The following COL5A1 variants were observed in gnomAD, a reference collection of about 807,000 sequenced individuals.
COL5A1 encodes the protein collagen type V alpha 1 chain, also known as collagen alpha-1(V) chain.
A neutral mutation model predicts 263.7 loss-of-function variants in COL5A1; 16 were observed. The observed-to-expected ratio is 0.06, with a 90% CI of 0.04 to 0.09. The LOEUF (loss-of-function observed/expected upper bound fraction) is 0.09, where lower values mean the gene tolerates loss of function less well. Ranked by LOEUF, COL5A1 falls within the 10% of genes least tolerant of loss-of-function variation. COL5A1 has a pLI of 1.00. For missense variants in COL5A1, 2,036 were observed against 2,540.5 expected, an observed-to-expected ratio of 0.80 and a Z score of 4.27; for synonymous variants, 1,012 against 1,004.5, an observed-to-expected ratio of 1.01 and a Z score of -0.14.
intron 1 of COL5A1, among the ~76,000 whole-genome samples, chr9:134,687,785 G>C (rs1833130316): frequency 6.6e-6 from 1 of 152,228 alleles, no homozygotes; most frequent in South Asian, 2.1e-4. Flanking sequence ...CTGTCTAGGA[G>C]AAAAGGGCAA....
chr9:134,643,563 C>G (rs2132457460), intron 1 of COL5A1, among the ~76,000 whole-genome samples: 1 of 152,178 alleles, frequency 6.6e-6, no homozygotes, highest in East Asian at 1.9e-4. Flanking sequence ...GTGGGGGCTG[C>G]CCTGGGGCTC....
intron 1 of COL5A1, among the ~76,000 whole-genome samples, chr9:134,662,948 C>T (rs898054569): frequency 5.3e-5 from 8 of 152,236 alleles, no homozygotes; most frequent in African/African-American, 1.9e-4. Context: ...ACAGCTACTG[C>T]CTGCTCTGTG....
At chr9:134,644,590 G>GGA (rs1831416555) in intron 1 of COL5A1, among the ~76,000 whole-genome samples, 1 of 70,768 alleles carries the variant, frequency 1.4e-5, no homozygotes, top group Admixed American at 1.2e-4. Context: ...AGGCAGGCGC[G>GGA]GGGGGGAGCC....
chr9:134,773,540 T>G (rs1206377100), intron 26 of COL5A1, among the ~76,000 whole-genome samples: 1 of 152,196 alleles, frequency 6.6e-6, no homozygotes, highest in Non-Finnish European at 1.5e-5. Flanking sequence ...AGCCTGGGGC[T>G]GAGGGCAGAG....
chr9:134,699,308 T>G (rs971418273), intron 2 of COL5A1, among the ~76,000 whole-genome samples: 4 of 152,236 alleles, frequency 2.6e-5, no homozygotes, highest in Non-Finnish European at 5.9e-5. Context: ...TATATTTTTT[T>G]CTAATTTTAA....
chr9:134,688,980 G>A (rs927163635), intron 1 of COL5A1, among the ~76,000 whole-genome samples: 3 of 146,798 alleles, frequency 2.0e-5, no homozygotes, highest in African/African-American at 4.9e-5. Flanking sequence ...TGGTCATGGC[G>A]GGGGTGGGGG....
intron 4 of COL5A1, among the ~76,000 whole-genome samples, chr9:134,706,391 G>C (rs969319562): frequency 6.6e-6 from 1 of 152,194 alleles, no homozygotes; most frequent in African/African-American, 2.4e-5. Context: ...AGTCAGGAAC[G>C]AGCTTTGTGT....
In COL5A1 at chr9:134,765,764, C is replaced by G; in HGVS notation, c.2088+30C>G. 1.2e-6 allele frequency: 2 copies of G among 1,600,318 alleles called. No homozygotes were observed. The highest frequency in any genetic ancestry group is 1.7e-6 in the Non-Finnish European group (2 of 1,170,008). On this transcript the variant is annotated intron_variant, in intron 21 of 65. Transcript: ENST00000371817. The surrounding 1 kb of genome is among the most constrained non-coding windows in gnomAD (Gnocchi z 5.1). ...GTCCCATTACCGCCCTGCTTGTCTG[C>G]CCCCATCTCGGCCTTTGAGACCCCG...
chr9:134,685,620 ACCAT>A (rs199889822), intron 1 of COL5A1, among the ~76,000 whole-genome samples: 2 of 664 alleles, frequency 3.0e-3, no homozygotes, highest in Non-Finnish European at 7.4e-3. Context: ...CCATCCATCC[ACCAT>A]CCATCCATCC....
chr9:134,780,520 G>A (rs1414957185), intron 28 of COL5A1, among the ~76,000 whole-genome samples: 1 of 152,020 alleles, frequency 6.6e-6, no homozygotes, highest in Admixed American at 6.6e-5. Context: ...ATGGCCGCTG[G>A]CACGAGGGTC....
At chr9:134,698,007 C>T (rs369452130) in intron 2 of COL5A1, among the ~76,000 whole-genome samples, 3 of 152,158 alleles carry the variant, frequency 2.0e-5, no homozygotes, top group African/African-American at 7.2e-5. Context: ...TTACTTGAAC[C>T]TGGGAGGTGG....
In COL5A1 at chr9:134,797,445, C is replaced by T. The variant is rs563870682; in HGVS notation, c.2898+544C>T. ...ACCCTGGCCACTGCCCCCATCTTCACGTGGACTTCCGTCTGTGTCTCTCTG... is the reference window on the plus strand; with the variant it reads ...ACCCTGGCCACTGCCCCCATCTTCATGTGGACTTCCGTCTGTGTCTCTCTG... On this transcript the variant is annotated intron_variant, in intron 36 of 65. Transcript: ENST00000371817. Among the ~76,000 whole-genome samples, 5 of 152,212 alleles carry T rather than the reference C, an allele frequency of 3.3e-5. No homozygotes were observed. In the South Asian group the frequency reaches 1.0e-3, roughly 32 times the overall value.
At chr9:134,707,010 C>T (rs1833857942) in intron 4 of COL5A1, among the ~76,000 whole-genome samples, 1 of 152,222 alleles carries the variant, frequency 6.6e-6, no homozygotes, top group African/African-American at 2.4e-5. Context: ...TCTAGAGTCT[C>T]ACCTCATCTA....
intron 4 of COL5A1, chr9:134,708,662 C>T (rs1233072991): frequency 1.9e-6 from 1 of 518,564 alleles, no homozygotes; most frequent in Non-Finnish European, 3.8e-6. Flanking sequence ...CTTGTCGTGT[C>T]TTCAGCTCTG....
intron 1 of COL5A1, among the ~76,000 whole-genome samples, chr9:134,669,055 C>T (rs1477979934): frequency 7.0e-6 from 1 of 142,380 alleles, no homozygotes; most frequent in Non-Finnish European, 1.5e-5. Flanking sequence ...CATTCATCTA[C>T]TCATCCTTCC....
intron 64 of COL5A1, among the ~76,000 whole-genome samples, chr9:134,831,587 G>C (rs903133859): frequency 6.6e-6 from 1 of 152,192 alleles, no homozygotes; most frequent in African/African-American, 2.4e-5. Flanking sequence ...GGCCCTGGGG[G>C]TGAAGCTGCT....
chr9:134,830,202 C>T (rs1344074488), intron 64 of COL5A1, 158 bp downstream of exon 64: 4 of 1,595,164 alleles, frequency 2.5e-6, no homozygotes, highest in Non-Finnish European at 3.4e-6. Flanking sequence ...GGCCCGGCCA[C>T]CTCGGCACTG....
chr9:134,742,337 C>T lies in COL5A1; in HGVS notation c.1494+3529C>T, dbSNP rs529350746. ...AGGAAGAAAAGGCACAGACCAGGCA[C>T]GGTTAGACAGCAAGAATTAATTAGT... On this transcript the variant is annotated intron_variant, in intron 11 of 65. Coordinates refer to ENST00000371817, the MANE Select transcript of COL5A1 (RefSeq NM_000093.5). This position sits in a 1 kb window ranked among gnomAD's most constrained non-coding sequence, Gnocchi z 4.6. Among the ~76,000 whole-genome samples the T allele has an allele frequency of 1.3e-5, 2 of 152,148 alleles. No homozygotes were observed. Among genetic ancestry groups the T allele is most frequent in the East Asian group, 2.0e-4 (1 of 5,128 alleles).
At chr9:134,690,649 G>T (rs1003486739) in intron 1 of COL5A1, among the ~76,000 whole-genome samples, 9 of 152,154 alleles carry the variant, frequency 5.9e-5, no homozygotes, top group Non-Finnish European at 1.2e-4. Context: ...GCCGCTGGTG[G>T]GGACAGGGAT....
Sources: allele counts gnomAD v4.1 joint callset (sites outside exome capture counted in the v4.1 genomes callset), GRCh38; gene constraint gnomAD v4.1.1; non-coding constraint Gnocchi (gnomAD v3.1); transcripts MANE v1.5; gene names NCBI Gene and HGNC (gene_info 2026-07-23, HGNC 2026-07-21).